The following GPHN variants were observed in gnomAD, a reference collection of about 807,000 sequenced individuals.
GPHN encodes the protein gephyrin.
A neutral mutation model predicts 95.5 loss-of-function variants in GPHN; 17 were observed. That is an observed-to-expected ratio of 0.18 (90% CI 0.12 to 0.27). The LOEUF (loss-of-function observed/expected upper bound fraction) is 0.27. Among genes scored for constraint, GPHN ranks in the 10% least tolerant of loss-of-function variants. The pLI is 1.00. For missense variants in GPHN, 660 were observed against 978.1 expected (o/e 0.67, Z 4.34); for synonymous variants, 320 against 322.5 (o/e 0.99, Z 0.08).
chr14:67,725,389 G>A, the GPHN span: 1 of 920,766 alleles, frequency 1.1e-6, no homozygotes. Flanking sequence ...TGAACCAGCA[G>A]GACAGGGAAT....
chr14:66,814,976 G>T lies in GPHN; in HGVS notation c.202-9498G>T, dbSNP rs1247760893. ...GTACTGAAAAGAACATAACCAACAT[G>T]ATAGAGCTGAAAAACACACTGCAGG... is the stretch of plus-strand genomic sequence containing the variant. On this transcript the variant is annotated intron_variant, in intron 3 of 22. Coordinates refer to ENST00000478722, the MANE Select transcript of GPHN (RefSeq NM_020806.5). 2.6e-5 allele frequency among the ~76,000 whole-genome samples: 4 copies of T among 152,110 alleles called. No individual in the cohort carries two copies. In the East Asian group the frequency reaches 7.7e-4, roughly 29 times the overall value.
the GPHN span, among the ~76,000 whole-genome samples, chr14:67,666,842 T>C: frequency 2.0e-5 from 3 of 152,180 alleles, no homozygotes; most frequent in African/African-American, 7.2e-5. Flanking sequence ...TAAACAACTG[T>C]ATACTGTATA....
the GPHN span, chr14:67,571,062 C>G: frequency 6.6e-6 from 1 of 152,354 alleles, no homozygotes; most frequent in African/African-American, 2.4e-5. Context: ...CCCTTGGTAT[C>G]GAAGCACCAT....
chr14:67,536,744 A>G, the GPHN span, among the ~76,000 whole-genome samples: 2 of 151,890 alleles, frequency 1.3e-5, no homozygotes, highest in African/African-American at 4.9e-5. Flanking sequence ...AGTTGTTTGT[A>G]TTAAACTTAA....
At chr14:66,611,883 A>G (rs1321269196) in intron 1 of GPHN, among the ~76,000 whole-genome samples, 2 of 152,094 alleles carry the variant, frequency 1.3e-5, no homozygotes, top group African/African-American at 2.4e-5. Flanking sequence ...GAAAGTTTCT[A>G]AAGTTTAGCT....
At chr14:66,655,969 C>A (rs1227374207) in intron 1 of GPHN, among the ~76,000 whole-genome samples, 1 of 152,020 alleles carries the variant, frequency 6.6e-6, no homozygotes, top group African/African-American at 2.4e-5. Context: ...ATATATAGTT[C>A]TTTTTATATG....
At chr14:66,556,174 T>G (rs1594948649) in intron 1 of GPHN, among the ~76,000 whole-genome samples, 1 of 152,186 alleles carries the variant, frequency 6.6e-6, no homozygotes, top group South Asian at 2.1e-4. Context: ...ATCATATATG[T>G]GGTCCATCAT....
chr14:67,392,082 T>C, the GPHN span, among the ~76,000 whole-genome samples: 1 of 152,056 alleles, frequency 6.6e-6, no homozygotes, highest in African/African-American at 2.4e-5. Flanking sequence ...GTGATAATTG[T>C]GTGTGTGTGT....
chr14:67,315,498 G>C, the GPHN span, among the ~76,000 whole-genome samples: 1 of 152,018 alleles, frequency 6.6e-6, no homozygotes, highest in Non-Finnish European at 1.5e-5. Context: ...GGATGGTCTT[G>C]ATCTCCTGAC....
chr14:66,760,781 A>G (rs1303875817), intron 2 of GPHN: 6 of 491,066 alleles, frequency 1.2e-5, no homozygotes, highest in African/African-American at 9.9e-5. Context: ...ATACAGAGAG[A>G]GCTATGGAAT....
the GPHN span, among the ~76,000 whole-genome samples, chr14:67,603,133 G>A: frequency 2.0e-5 from 3 of 152,088 alleles, no homozygotes; most frequent in East Asian, 3.9e-4. Flanking sequence ...GCAGTGGTAC[G>A]GTCATGGCTC....
At chr14:66,548,171 T>A (rs1001657853) in intron 1 of GPHN, among the ~76,000 whole-genome samples, 1 of 148,588 alleles carries the variant, frequency 6.7e-6, no homozygotes, top group Admixed American at 6.8e-5. Context: ...TTGATGTTAC[T>A]ATTGTAATTT....
At chr14:66,914,226 T>C (rs146546169) in intron 5 of GPHN, among the ~76,000 whole-genome samples, 1,836 of 152,232 alleles carry the variant, frequency 0.012, 19 homozygotes, top group Non-Finnish European at 0.018. Context: ...TGAAGTATTA[T>C]TGGAGACATA....
chr14:66,929,118 C>T (rs941379113), intron 8 of GPHN, among the ~76,000 whole-genome samples: 1 of 147,870 alleles, frequency 6.8e-6, no homozygotes, highest in Non-Finnish European at 1.5e-5. Flanking sequence ...TACAGTGGGG[C>T]ATTCTCAGCT....
intron 2 of GPHN, among the ~76,000 whole-genome samples, chr14:66,741,969 T>G (rs1452993106): frequency 1.3e-5 from 2 of 152,224 alleles, no homozygotes; most frequent in African/African-American, 2.4e-5. Context: ...TTGGTTCCAG[T>G]GAGTCTTTCT....
the GPHN span, chr14:67,302,665 A>G: frequency 1.5e-5 from 15 of 976,692 alleles, no homozygotes; most frequent in South Asian, 4.4e-4. Context: ...TGTTAAGAGC[A>G]CTAGATGATT....
intron 9 of GPHN, among the ~76,000 whole-genome samples, chr14:66,970,085 GTTTTTTTT>G (rs76967963): frequency 2.0e-5 from 2 of 99,042 alleles, no homozygotes; most frequent in South Asian, 6.8e-4. Flanking sequence ...AGCAAGTTGT[GTTTTTTTT>G]TTTTTTTTTT....
chr14:66,675,031 C>G (rs2066507122), intron 1 of GPHN, among the ~76,000 whole-genome samples: 1 of 152,040 alleles, frequency 6.6e-6, no homozygotes, highest in Admixed American at 6.5e-5. Context: ...GATGATATCT[C>G]ATTGCAGTTT....
rs761997982 is a variant in GPHN, at chr14:67,165,195, T to C, written c.1944T>C (p.Asp648=). Residue 648 remains aspartate (D), a synonymous_variant, in exon 20 of 23, where the codon GAT becomes GAC. Transcript: ENST00000478722. ...CAACATTTGCAACTTTGGATATTGATGGTGTAAGAAAAATAATCTTTGCAC... is the reference window on the plus strand; with the variant it reads ...CAACATTTGCAACTTTGGATATTGACGGTGTAAGAAAAATAATCTTTGCAC... ...LPTTFATLDI[D]GVRKIIFALP... The C allele has an allele frequency of 6.1e-5, 98 of 1,610,706 alleles. No individual in the cohort carries two copies. The highest frequency in any genetic ancestry group is 1.5e-4 in the Admixed American group (9 of 60,000).
Sources: gnomAD v4.1 joint callset for allele counts (sites outside exome capture counted in the v4.1 genomes callset) on GRCh38, gnomAD v4.1.1 for gene constraint, MANE v1.5 for transcripts, NCBI Gene and HGNC (gene_info 2026-07-23, HGNC 2026-07-21) for gene names.